Variants in DAAM1 observed in about 807,000 individuals in gnomAD.
DAAM1 encodes dishevelled associated activator of morphogenesis 1, also known as disheveled-associated activator of morphogenesis 1.
In DAAM1, 52 loss-of-function variants were observed where a neutral mutation model predicts 130.0. That is an observed-to-expected ratio of 0.40 (90% CI 0.32 to 0.50). DAAM1 has a LOEUF of 0.50. DAAM1 is among the 20% of genes least tolerant of loss of function. The pLI, the probability that DAAM1 is intolerant of heterozygous loss-of-function variation, is 0.61. For synonymous variants in DAAM1, 452 were observed against 444.5 expected (o/e 1.02, Z -0.21); for missense variants, 1,134 against 1,303.8 (o/e 0.87, Z 2.01).
chr14:59,279,733 T>C (rs1883126705), intron 2 of DAAM1, among the ~76,000 whole-genome samples: 1 of 152,154 alleles, frequency 6.6e-6, no homozygotes, highest in Admixed American at 6.6e-5. Flanking sequence ...TAAAAATTGA[T>C]AAATTAGACT....
chr14:59,358,412 A>G (rs1185516732), intron 20 of DAAM1, among the ~76,000 whole-genome samples: 1 of 152,216 alleles, frequency 6.6e-6, no homozygotes, highest in Non-Finnish European at 1.5e-5. Context: ...TTAGGAGCTG[A>G]AGTGTTGCTA....
chr14:59,195,423 G>A (rs574927286), intron 1 of DAAM1, among the ~76,000 whole-genome samples: 4 of 152,204 alleles, frequency 2.6e-5, no homozygotes, highest in African/African-American at 4.8e-5. Context: ...GATTACAGGC[G>A]TGAGCCACCG....
rs1889370020 is a variant in DAAM1 at position 59,238,381 on chromosome 14, CTT to C, written c.-37-25057_-37-25056del. Reference sequence around the variant, plus strand: ...CTGAACCCTTACGGTACTGAACACTCTTTTGTGGCATTTGTAGTTACTGCTCT... The same window carrying C: ...CTGAACCCTTACGGTACTGAACACTCTTGTGGCATTTGTAGTTACTGCTCT... On this transcript the variant is annotated intron_variant, in intron 1 of 24. Coordinates refer to ENST00000360909, the MANE Select transcript of DAAM1 (RefSeq NM_001270520.2). 3.3e-5 allele frequency among the ~76,000 whole-genome samples: 5 copies of C among 152,306 alleles called. No homozygotes were observed. In the South Asian group the frequency reaches 1.0e-3, roughly 32 times the overall value.
At chr14:59,340,007 A>C (rs1885783771) in intron 15 of DAAM1, 67 bp from the exon 16 acceptor site, 1 of 1,394,888 alleles carries the variant, frequency 7.2e-7, no homozygotes, top group Non-Finnish European at 1.0e-6. Context: ...AATGTAAAGG[A>C]AAGTGTGTAT....
rs551630682 is a variant in DAAM1 at position 59,189,148 on chromosome 14, G to A, written c.-38+380G>A. ...TTGCTGAAGGCTCCCCGGGGCTGGG[G>A]CCGCGGGTACTGCAGCGGCGTCCGC... On this transcript the variant is annotated intron_variant, in intron 1 of 24. Coordinates refer to ENST00000360909, the MANE Select transcript of DAAM1 (RefSeq NM_001270520.2). Among the ~76,000 whole-genome samples, 231 of 152,280 alleles carry A rather than the reference G, an allele frequency of 1.5e-3. 2 individuals are homozygous for A. The highest frequency in any genetic ancestry group is 5.3e-3 in the African/African-American group (219 of 41,570).
intron 3 of DAAM1, among the ~76,000 whole-genome samples, chr14:59,303,793 G>T (rs555064877): frequency 1.3e-5 from 2 of 152,210 alleles, no homozygotes; most frequent in South Asian, 4.1e-4. Flanking sequence ...CCAGCTACTC[G>T]AGAGGTTGAG....
intron 2 of DAAM1, among the ~76,000 whole-genome samples, chr14:59,267,634 A>G (rs1275954651): frequency 6.6e-6 from 1 of 152,174 alleles, no homozygotes; most frequent in East Asian, 1.9e-4. Context: ...CAATCACCCT[A>G]GCATGTGACC....
At chr14:59,250,600 G>A (rs1184377108) in intron 1 of DAAM1, among the ~76,000 whole-genome samples, 4 of 152,190 alleles carry the variant, frequency 2.6e-5, no homozygotes, top group African/African-American at 7.2e-5. Context: ...GTAGGATACT[G>A]TCACCTGCAT....
chr14:59,344,334 G>A (rs1885979752), intron 16 of DAAM1, among the ~76,000 whole-genome samples: 1 of 152,192 alleles, frequency 6.6e-6, no homozygotes, highest in Non-Finnish European at 1.5e-5. Flanking sequence ...AAATACTTGA[G>A]TAGAGCAACC....
chr14:59,358,741 G>T (rs1303786630), intron 20 of DAAM1, among the ~76,000 whole-genome samples: 1 of 151,932 alleles, frequency 6.6e-6, no homozygotes, highest in Non-Finnish European at 1.5e-5. Context: ...TACTCGGGAG[G>T]CTGAGGCAGG....
In DAAM1 at chr14:59,369,043, G is replaced by A; in HGVS notation, c.*184G>A. On this transcript the variant is annotated 3_prime_UTR_variant, in exon 25 of 25. Coordinates refer to ENST00000360909, the MANE Select transcript of DAAM1 (RefSeq NM_001270520.2). ...TTAAAAAATGTATATAGATGTCTGA[G>A]TGTTGTCTGGAGACCTATACGTATG... 3.4e-6 allele frequency: 2 copies of A among 582,674 alleles called. No individual in the cohort carries two copies. Among genetic ancestry groups the A allele is most frequent in the South Asian group, 4.5e-5 (2 of 44,716 alleles). The allele number at this position is 582,674 out of a possible 1,614,324, so 36.1% of individuals were successfully genotyped here.
intron 1 of DAAM1, among the ~76,000 whole-genome samples, chr14:59,251,414 A>G (rs1271186102): frequency 1.3e-5 from 2 of 149,456 alleles, no homozygotes; most frequent in African/African-American, 4.9e-5. Context: ...TTCTTCCCTC[A>G]GTCATCTTTC....
At chr14:59,296,540 A>G (rs1376030863) in intron 3 of DAAM1, among the ~76,000 whole-genome samples, 2 of 152,166 alleles carry the variant, frequency 1.3e-5, no homozygotes, top group Non-Finnish European at 2.9e-5. Context: ...TCAAATAGTA[A>G]TCAAATGTTG....
In DAAM1 at chr14:59,355,221, G is replaced by T; in HGVS notation, c.2413G>T (p.Glu805Ter). 1 of 1,614,170 alleles carries T rather than the reference G, an allele frequency of 6.2e-7. No homozygotes were observed. Among genetic ancestry groups the T allele is most frequent in the Non-Finnish European group, 8.5e-7 (1 of 1,180,004 alleles). Residue 805 changes from glutamate to a stop codon, truncating the protein, a stop_gained, in exon 20 of 25, where the codon GAG becomes TAG. Transcript: ENST00000360909. LOFTEE classifies it high-confidence loss of function. ...GAGTGGTGCCCTCAAGCAGTTGCTGGAGGTGGTTTTGGCATTTGGAAATTA... is the reference window on the plus strand; with the variant it reads ...GAGTGGTGCCCTCAAGCAGTTGCTGTAGGTGGTTTTGGCATTTGGAAATTA... ...FRSGALKQLLEVVLAFGNYMN... is the reference protein window; with the variant it reads ...FRSGALKQLL
intron 1 of DAAM1, among the ~76,000 whole-genome samples, chr14:59,192,435 G>T (rs983842128): frequency 6.6e-6 from 1 of 152,074 alleles, no homozygotes; most frequent in Non-Finnish European, 1.5e-5. Context: ...TAGGTGTTTG[G>T]TTCAGGAAAT....
rs939119281 is a variant in DAAM1 at position 59,238,815 on chromosome 14, A to G, written c.-37-24626A>G. 5.9e-5 allele frequency among the ~76,000 whole-genome samples: 9 copies of G among 152,288 alleles called. No homozygotes were observed. In the East Asian group the frequency reaches 1.4e-3, roughly 23 times the overall value. On this transcript the variant is annotated intron_variant, in intron 1 of 24. Transcript: ENST00000360909. ...AGTATAACATATTGTTCTTAAAACC[A>G]TTAAATGTATCGCTGACACATGGTA... is the stretch of plus-strand genomic sequence containing the variant.
intron 2 of DAAM1, among the ~76,000 whole-genome samples, chr14:59,273,229 G>T (rs1882808010): frequency 6.6e-6 from 1 of 152,166 alleles, no homozygotes; most frequent in South Asian, 2.1e-4. Context: ...AATTCTGAAT[G>T]TATATTGTAT....
chr14:59,338,243 T>G, intron 15 of DAAM1: 1 of 769,272 alleles, frequency 1.3e-6, no homozygotes, highest in Non-Finnish European at 2.2e-6. Flanking sequence ...TCAACTCTCA[T>G]TGATGATCCC....
Position 59,232,524 on chromosome 14 carries a change from G to A in DAAM1, c.-37-30917G>A, listed in dbSNP as rs1889141278. On this transcript the variant is annotated intron_variant, in intron 1 of 24. Transcript: ENST00000360909. The stretch of plus-strand genomic sequence containing the variant: ...TGTTGAAATTCTGTACCCTGAAACA[G>A]TCTTCTGTTTAGTTTGGAATGATAA... 2.6e-5 allele frequency among the ~76,000 whole-genome samples: 4 copies of A among 152,176 alleles called. No individual in the cohort carries two copies. The South Asian group carries it at 8.3e-4, about 32-fold the overall frequency.
Sources: gnomAD v4.1 joint callset for allele counts (sites outside exome capture counted in the v4.1 genomes callset) on GRCh38, gnomAD v4.1.1 for gene constraint, MANE v1.5 for transcripts, NCBI Gene and HGNC (gene_info 2026-07-23, HGNC 2026-07-21) for gene names.